Variants in CELF2 observed in about 807,000 individuals in gnomAD.
The protein encoded by CELF2 is CUG triplet repeat RNA-binding protein 2.
Under a neutral mutation model 62.6 loss-of-function variants are expected in CELF2, and 8 were observed. The ratio of observed to expected loss-of-function variants is 0.13; its 90% CI spans 0.07 to 0.23. The LOEUF is 0.23. CELF2 is among the 10% of genes least tolerant of loss of function. The probability of loss-of-function intolerance (pLI) is 1.00; values close to 1 mark genes in which losing one functional copy is unlikely to be tolerated. For missense variants in CELF2, 333 were observed against 671.0 expected (o/e 0.50, Z 5.56); for synonymous variants, 258 against 250.0 (o/e 1.03, Z -0.30).
At chr10:11,143,974 A>C (rs1289619529) in intron 1 of CELF2, among the ~76,000 whole-genome samples, 1 of 152,224 alleles carries the variant, frequency 6.6e-6, no homozygotes, top group Non-Finnish European at 1.5e-5. Context: ...GCTGTGTATC[A>C]GTGCTGCCAC....
At chr10:11,119,471 A>G (rs1309900199) in intron 1 of CELF2, among the ~76,000 whole-genome samples, 2 of 152,206 alleles carry the variant, frequency 1.3e-5, no homozygotes, top group Non-Finnish European at 2.9e-5. Context: ...TCTTATAGCA[A>G]TCAGATTTAT....
At chr10:10,598,341 A>T in the CELF2 span, among the ~76,000 whole-genome samples, 2 of 152,132 alleles carry the variant, frequency 1.3e-5, no homozygotes, top group African/African-American at 2.4e-5. Flanking sequence ...CTTCTTCTAG[A>T]GGGGCTTTGT....
the CELF2 span, among the ~76,000 whole-genome samples, chr10:10,658,793 T>C: frequency 1.3e-5 from 2 of 152,160 alleles, no homozygotes; most frequent in East Asian, 3.8e-4. Flanking sequence ...CTGATAGAAT[T>C]TGATCATTAC....
At chr10:10,927,245 C>T (rs1012031304) in intron 2 of CELF2, 13 of 149,182 alleles carry the variant, frequency 8.7e-5, no homozygotes, top group African/African-American at 3.0e-4. Context: ...TATGTGGAAG[C>T]ATAAACTTAA....
At chr10:10,814,240 A>AAAAAAAAG (rs57529175) in intron 1 of CELF2, among the ~76,000 whole-genome samples, 1 of 148,290 alleles carries the variant, frequency 6.7e-6, no homozygotes, top group Non-Finnish European at 1.5e-5. Flanking sequence ...AAAAAAAAAA[A>AAAAAAAAG]GCTGCTCTAA....
chr10:11,275,110 A>G lies in CELF2; in HGVS notation c.831A>G (p.Gln277=), dbSNP rs764641229. The G allele has an allele frequency of 5.0e-6, 8 of 1,614,204 alleles. No individual in the cohort carries two copies. The Admixed American group carries it at 5.0e-5, about 10-fold the overall frequency. The part of the protein sequence containing the change: ...SSNLGAFSGI[Q]QMAGMNALQL... Reference sequence around the variant, plus strand: ...ACCTGGGTGCGTTCAGCGGCATTCAACAAATGGCAGGTAAGTCAGGAAGCA... The same window carrying G: ...ACCTGGGTGCGTTCAGCGGCATTCAGCAAATGGCAGGTAAGTCAGGAAGCA... Residue 277 remains glutamine (Q), a synonymous_variant, in exon 8 of 13, where the codon CAA becomes CAG. Coordinates refer to ENST00000633077, the MANE Select transcript of CELF2 (RefSeq NM_001326342.2).
At chr10:11,265,972 T>C (rs1033819388) in intron 5 of CELF2, among the ~76,000 whole-genome samples, 3 of 152,282 alleles carry the variant, frequency 2.0e-5, no homozygotes, top group Non-Finnish European at 4.4e-5. Context: ...CATTTGTTTT[T>C]ATTAAAATTA....
At chr10:10,757,038 A>G in the CELF2 span, among the ~76,000 whole-genome samples, 4 of 152,288 alleles carry the variant, frequency 2.6e-5, no homozygotes, top group South Asian at 8.3e-4. Context: ...GCTACTCGGG[A>G]GGCTGAGGCA....
At position 10,978,038 on chromosome 10, in the gene CELF2, T is replaced by TG. The variant is rs1173998920; in HGVS notation, c.89+58039_89+58040insG. Among the ~76,000 whole-genome samples the TG allele has an allele frequency of 1.5e-4, 23 of 149,378 alleles. 1 individual carries two copies. Among genetic ancestry groups the TG allele is most frequent in the African/African-American group, 5.5e-4 (22 of 39,832 alleles). On this transcript the variant is annotated intron_variant, in intron 2 of 13. Transcript: ENST00000636488. ...TTTGGGTTTGGGTTTTTTTTTGTTT[T>TG]TTGTTTTTTTTTTTCCAGAGAAAGA...
intron 1 of CELF2, among the ~76,000 whole-genome samples, chr10:11,099,262 GC>G (rs1294767386): frequency 5.3e-5 from 8 of 152,060 alleles, no homozygotes; most frequent in African/African-American, 1.4e-4. Flanking sequence ...ATGATTAATA[GC>G]CCCCATCCAT....
At chr10:10,790,395 A>T in the CELF2 span, among the ~76,000 whole-genome samples, 1 of 152,138 alleles carries the variant, frequency 6.6e-6, no homozygotes, top group Non-Finnish European at 1.5e-5. Context: ...ATATATGACA[A>T]TACTAATCCT....
the CELF2 span, among the ~76,000 whole-genome samples, chr10:10,699,412 C>T: frequency 3.3e-5 from 5 of 152,212 alleles, no homozygotes; most frequent in African/African-American, 9.6e-5. Context: ...GTGAGCAATT[C>T]ATACACAGTT....
intron 8 of CELF2, among the ~76,000 whole-genome samples, chr10:11,276,275 T>A (rs990170209): frequency 2.0e-5 from 3 of 152,216 alleles, no homozygotes; most frequent in African/African-American, 7.2e-5. Flanking sequence ...GCTGATGGTC[T>A]TCCTTGGCCT....
chr10:11,334,464 A>G lies in CELF2; in HGVS notation c.*5411A>G, dbSNP rs184636080. ...ATCTGTTTTTTTCTCTATGTTGTGT[A>G]AAAAGATACAGTCGATTCCACTTAA... On this transcript the variant is annotated 3_prime_UTR_variant, in exon 13 of 13. Coordinates refer to ENST00000633077, the MANE Select transcript of CELF2 (RefSeq NM_001326342.2). 50 of 152,766 alleles carry G rather than the reference A, an allele frequency of 3.3e-4. No individual in the cohort carries two copies. The highest frequency in any genetic ancestry group is 1.1e-3 in the African/African-American group (44 of 41,574). 9.5% of individuals were successfully genotyped at this position (152,766 alleles called of 1,614,324 possible).
chr10:10,731,243 A>AACAC, the CELF2 span, among the ~76,000 whole-genome samples: 1,787 of 146,574 alleles, frequency 0.012, 19 homozygotes, highest in African/African-American at 0.027. Flanking sequence ...TCCTGCAGAA[A>AACAC]ACACACACAC....
At chr10:11,154,934 C>G (rs951751125) in intron 1 of CELF2, among the ~76,000 whole-genome samples, 60 of 152,228 alleles carry the variant, frequency 3.9e-4, no homozygotes, top group African/African-American at 1.4e-3. Flanking sequence ...AGCATTAACC[C>G]AAACAAAGCC....
At chr10:10,771,667 A>T in the CELF2 span, among the ~76,000 whole-genome samples, 1 of 152,146 alleles carries the variant, frequency 6.6e-6, no homozygotes, top group Non-Finnish European at 1.5e-5. Flanking sequence ...CATCTTCCTC[A>T]TTCTGTCTTT....
chr10:10,856,572 A>G (rs2059723466), intron 1 of CELF2, among the ~76,000 whole-genome samples: 1 of 152,178 alleles, frequency 6.6e-6, no homozygotes, highest in Non-Finnish European at 1.5e-5. Context: ...TAATCTTCTC[A>G]TTGCATAATA....
At chr10:11,274,000 C>G (rs2084998920) in intron 7 of CELF2, among the ~76,000 whole-genome samples, 1 of 143,674 alleles carries the variant, frequency 7.0e-6, no homozygotes, top group South Asian at 2.2e-4. Flanking sequence ...TCCCAAAGTC[C>G]TGGGATTACA....
Sources: allele counts gnomAD v4.1 joint callset (sites outside exome capture counted in the v4.1 genomes callset), GRCh38; gene constraint gnomAD v4.1.1; transcripts MANE v1.5; gene names NCBI Gene and HGNC (gene_info 2026-07-23, HGNC 2026-07-21).